The following GNAS-AS1 variants were observed in gnomAD, a reference collection of about 807,000 sequenced individuals.
GNAS-AS1 encodes GNAS antisense RNA 1 (non-protein coding).
intron 2 of GNAS-AS1, among the ~76,000 whole-genome samples, chr20:58,844,727 C>G (rs551565672): frequency 1.1e-4 from 17 of 151,296 alleles, no homozygotes; most frequent in Non-Finnish European, 1.5e-4. Flanking sequence ...GAAAGTTGCT[C>G]AAATAAAAAG....
intron 1 of GNAS-AS1, among the ~76,000 whole-genome samples, chr20:58,849,551 C>T (rs1361314656): frequency 6.6e-6 from 1 of 152,208 alleles, no homozygotes; most frequent in Non-Finnish European, 1.5e-5. Flanking sequence ...AAATCTCCAT[C>T]CCAACTGCCC....
chr20:58,829,592 A>G (rs1339064417), intron 4 of GNAS-AS1, among the ~76,000 whole-genome samples: 1 of 152,202 alleles, frequency 6.6e-6, no homozygotes, highest in African/African-American at 2.4e-5. Flanking sequence ...AGAGCTGGCA[A>G]ATACACTATT....
chr20:58,850,690 T>G (rs1389486103), exon 1 of GNAS-AS1: 1 of 398,802 alleles, frequency 2.5e-6, no homozygotes, highest in Admixed American at 4.4e-5. Context: ...CCCCGTTGGC[T>G]GGGTTAGCCT....
At chr20:58,821,568 G>GTT (rs564593494) in intron 4 of GNAS-AS1, among the ~76,000 whole-genome samples, 3 of 152,198 alleles carry the variant, frequency 2.0e-5, no homozygotes, top group Non-Finnish European at 4.4e-5. Context: ...CCATAAATCA[G>GTT]TAAGAGGAAG....
chr20:58,838,270 T>A lies in GNAS-AS1; in HGVS notation n.819+3667A>T, dbSNP rs146302485. On this transcript the variant is annotated intron_variant and non_coding_transcript_variant, in intron 4 of 4. Transcript: ENST00000424094. ...GCCAGGTTAGCTCCCACTGTAGGGATCTCCTCCTGTAGGCCATCATTTGAT... is the reference window on the plus strand; with the variant it reads ...GCCAGGTTAGCTCCCACTGTAGGGAACTCCTCCTGTAGGCCATCATTTGAT... Among the ~76,000 whole-genome samples, 75 of 152,204 alleles carry A rather than the reference T, an allele frequency of 4.9e-4. 1 individual carries two copies. Among genetic ancestry groups the A allele is most frequent in the African/African-American group, 1.8e-3 (73 of 41,510 alleles).
rs567886346 is a variant in GNAS-AS1 at position 58,844,485 on chromosome 20, G to A, written n.414-1940C>T. On this transcript the variant is annotated intron_variant and non_coding_transcript_variant, in intron 2 of 4. Coordinates refer to ENST00000424094, the Ensembl canonical transcript of GNAS-AS1. ...AAACTGGAGCAGTGGGATCTAAGAC[G>A]AAAGGCCCAGGGCTAGCAGCCCAGG... Among the ~76,000 whole-genome samples the A allele has an allele frequency of 2.6e-5, 4 of 152,268 alleles. No homozygotes were observed. The East Asian group carries it at 5.8e-4, about 22-fold the overall frequency.
At chr20:58,838,268 G>T (rs2085623200) in intron 4 of GNAS-AS1, among the ~76,000 whole-genome samples, 1 of 152,134 alleles carries the variant, frequency 6.6e-6, no homozygotes, top group Non-Finnish European at 1.5e-5. Flanking sequence ...CCACTGTAGG[G>T]ATCTCCTCCT....
intron 4 of GNAS-AS1, among the ~76,000 whole-genome samples, chr20:58,833,356 C>A (rs868602678): frequency 2.0e-5 from 3 of 152,308 alleles, no homozygotes; most frequent in Middle Eastern, 3.4e-3. Flanking sequence ...TTAGCCGAAA[C>A]AATGGATGGG....
intron 2 of GNAS-AS1, among the ~76,000 whole-genome samples, chr20:58,844,855 G>A (rs117588164): frequency 6.6e-6 from 1 of 151,762 alleles, no homozygotes; most frequent in African/African-American, 2.4e-5. Flanking sequence ...AACAAAAAAA[G>A]CACCAGCTAG....
At chr20:58,836,484 G>A (rs1301237836) in intron 4 of GNAS-AS1, 1 of 152,168 alleles carries the variant, frequency 6.6e-6, no homozygotes, top group Non-Finnish European at 1.5e-5. Context: ...TGATACTGTA[G>A]TGAGCTGGGA....
chr20:58,825,352 T>G (rs2085512395), intron 4 of GNAS-AS1, among the ~76,000 whole-genome samples: 1 of 152,146 alleles, frequency 6.6e-6, no homozygotes, highest in African/African-American at 2.4e-5. Flanking sequence ...CAGATGAGCA[T>G]TTCTCAGGTC....
intron 4 of GNAS-AS1, among the ~76,000 whole-genome samples, chr20:58,832,898 T>C (rs948041932): frequency 6.6e-6 from 1 of 152,252 alleles, no homozygotes; most frequent in Non-Finnish European, 1.5e-5. Context: ...CTAGAATGCT[T>C]ATGGTCAAAA....
rs373325028 is a variant in GNAS-AS1, at chr20:58,832,404, C to T, written n.819+9533G>A. On this transcript the variant is annotated intron_variant and non_coding_transcript_variant, in intron 4 of 4. Coordinates refer to ENST00000424094, the Ensembl canonical transcript of GNAS-AS1. Reference sequence around the variant, plus strand: ...TTCCCAACTTAATTTATAAATTGAACGCCATTCCAGTCAAAATATCACCAA... The same window carrying T: ...TTCCCAACTTAATTTATAAATTGAATGCCATTCCAGTCAAAATATCACCAA... 2.0e-4 allele frequency among the ~76,000 whole-genome samples: 31 copies of T among 152,094 alleles called. No homozygotes were observed. The East Asian group carries it at 2.9e-3, about 14-fold the overall frequency.
chr20:58,838,846 G>A (rs1245628628), intron 4 of GNAS-AS1: 2 of 393,200 alleles, frequency 5.1e-6, no homozygotes, highest in South Asian at 1.4e-4. Flanking sequence ...GAAGCCAGGA[G>A]GCAGAGGTTG....
At chr20:58,838,506 T>C (rs1377990550) in intron 4 of GNAS-AS1, among the ~76,000 whole-genome samples, 1 of 152,168 alleles carries the variant, frequency 6.6e-6, no homozygotes, top group Non-Finnish European at 1.5e-5. Context: ...ATCCAAAATA[T>C]CCTTTCCTTA....
At chr20:58,848,758 G>T in intron 2 of GNAS-AS1, 1 of 395,744 alleles carries the variant, frequency 2.5e-6, no homozygotes, top group South Asian at 1.4e-4. Context: ...TTACTATACC[G>T]GATTCCTCAG....
chr20:58,842,464 G>A, exon 3 of GNAS-AS1: 1 of 398,632 alleles, frequency 2.5e-6, no homozygotes, highest in Non-Finnish European at 4.4e-6. Flanking sequence ...GACCTATTCC[G>A]TAGGAAAGGC....
intron 4 of GNAS-AS1, among the ~76,000 whole-genome samples, chr20:58,835,383 T>C (rs2085595760): frequency 6.6e-6 from 1 of 152,172 alleles, no homozygotes; most frequent in Non-Finnish European, 1.5e-5. Flanking sequence ...GCAAGCCTTC[T>C]GAGAACCCAT....
In GNAS-AS1 at chr20:58,840,978, C is replaced by T; in HGVS notation, n.819+959G>A. On this transcript the variant is annotated intron_variant and non_coding_transcript_variant, in intron 4 of 4. Coordinates refer to ENST00000424094, the Ensembl canonical transcript of GNAS-AS1. This position sits in a 1 kb window ranked among gnomAD's most constrained non-coding sequence, Gnocchi z 6.0. ...GTGAGAAGGAAAGGCAGGTCAGGGG[C>T]GAGTGGGAAGAGAGGAGGCTCAGCT... 1 of 1,365,102 alleles carries T rather than the reference C, an allele frequency of 7.3e-7. No homozygotes were observed. The allele number at this position is 1,365,102 out of a possible 1,614,324, so 84.6% of individuals were successfully genotyped here.
Sources: gnomAD v4.1 joint callset for allele counts (sites outside exome capture counted in the v4.1 genomes callset) on GRCh38, gnomAD v4.1.1 for gene constraint, Gnocchi (gnomAD v3.1) non-coding constraint, MANE v1.5 for transcripts, NCBI Gene and HGNC (gene_info 2026-07-23, HGNC 2026-07-21) for gene names.